The following AFF3 variants were observed in gnomAD, a reference collection of about 807,000 sequenced individuals.
The protein encoded by AFF3 is ALF transcription elongation factor 3.
AFF3 carries 32 observed loss-of-function variants against 129.7 expected under a neutral mutation model. The observed-to-expected ratio is 0.25, with a 90% confidence interval of 0.19 to 0.33. The LOEUF is 0.33. AFF3 is among the 10% of genes least tolerant of loss of function. The pLI, the probability that AFF3 is intolerant of heterozygous loss-of-function variation, is 1.00. For missense variants in AFF3, 1,373 were observed against 1,592.0 expected, an observed-to-expected ratio of 0.86 and a Z score of 2.34; for synonymous variants, 644 against 635.4, an observed-to-expected ratio of 1.01 and a Z score of -0.20.
At chr2:99,600,571 C>T (rs918452412) in intron 14 of AFF3, among the ~76,000 whole-genome samples, 4 of 152,238 alleles carry the variant, frequency 2.6e-5, no homozygotes, top group Admixed American at 1.3e-4. Flanking sequence ...TATGGCCCCC[C>T]CAAATGGTAC....
At chr2:99,797,534 G>C (rs1685633877) in intron 8 of AFF3, among the ~76,000 whole-genome samples, 1 of 152,012 alleles carries the variant, frequency 6.6e-6, no homozygotes, top group Non-Finnish European at 1.5e-5. Context: ...GAACAAAACT[G>C]TAACATTTGA....
At chr2:99,979,790 T>C (rs1472548305) in intron 7 of AFF3, among the ~76,000 whole-genome samples, 1 of 152,162 alleles carries the variant, frequency 6.6e-6, no homozygotes, top group Non-Finnish European at 1.5e-5. Flanking sequence ...GCCTATTCTG[T>C]TCTTTACCTT....
At chr2:100,107,278 T>C (rs1317044193) in intron 2 of AFF3, 1 of 985,408 alleles carries the variant, frequency 1.0e-6, no homozygotes, top group East Asian at 1.1e-4. Context: ...AGAGCCTTTA[T>C]GGGAGATCTT....
chr2:100,129,675 G>C (rs1289457890), intron 1 of AFF3, among the ~76,000 whole-genome samples: 1 of 152,142 alleles, frequency 6.6e-6, no homozygotes, highest in East Asian at 1.9e-4. Flanking sequence ...TGCAGATCCA[G>C]TGTCTATATA....
At chr2:99,982,799 T>C (rs1679528958) in intron 7 of AFF3, among the ~76,000 whole-genome samples, 1 of 152,118 alleles carries the variant, frequency 6.6e-6, no homozygotes, top group Non-Finnish European at 1.5e-5. Context: ...AATTATGATT[T>C]AAAAAAATAC....
chr2:99,988,066 C>G (rs931648477), intron 7 of AFF3, among the ~76,000 whole-genome samples: 9 of 151,930 alleles, frequency 5.9e-5, no homozygotes, highest in African/African-American at 2.2e-4. Flanking sequence ...TGTGAGCCGA[C>G]TGAAAATATA....
At position 100,019,300 on chromosome 2, in the gene AFF3, A is replaced by G. The variant is rs188689151; in HGVS notation, c.54-10368T>C. On this transcript the variant is annotated intron_variant, in intron 4 of 24. Coordinates refer to ENST00000672756, the MANE Select transcript of AFF3 (RefSeq NM_001386135.1). ...AATGGGGTTTCTGAAAAGGACTAAG[A>G]GTCACCTTGAACTACTGCTATCCAT... Among the ~76,000 whole-genome samples, 6 of 152,358 alleles carry G rather than the reference A, an allele frequency of 3.9e-5. No individual in the cohort carries two copies. The East Asian group carries it at 1.2e-3, about 29-fold the overall frequency.
chr2:99,679,128 T>C lies in AFF3; in HGVS notation c.1092-6539A>G, dbSNP rs566522156. On this transcript the variant is annotated intron_variant, in intron 11 of 24. Coordinates refer to ENST00000672756, the MANE Select transcript of AFF3 (RefSeq NM_001386135.1). ...GAACAAGATGAAGGGGTGCTCTACT[T>C]GACCTAAGTGTTTCCAACTCTGATG... Among the ~76,000 whole-genome samples the C allele has an allele frequency of 1.5e-4, 23 of 152,306 alleles. No individual in the cohort carries two copies. In the South Asian group the frequency reaches 4.8e-3, roughly 32 times the overall value.
At chr2:99,797,990 G>A (rs922454317) in intron 8 of AFF3, among the ~76,000 whole-genome samples, 21 of 152,070 alleles carry the variant, frequency 1.4e-4, no homozygotes, top group African/African-American at 4.8e-4. Flanking sequence ...CTGAAAAATG[G>A]TAAGTCTATT....
intron 7 of AFF3, among the ~76,000 whole-genome samples, chr2:99,979,196 T>C (rs1408036592): frequency 6.6e-6 from 1 of 152,170 alleles, no homozygotes; most frequent in Non-Finnish European, 1.5e-5. Context: ...TGCAGTGTGT[T>C]ATATACAGTG....
chr2:99,615,347 G>A (rs1196696352), intron 13 of AFF3, among the ~76,000 whole-genome samples: 1 of 152,242 alleles, frequency 6.6e-6, no homozygotes, highest in African/African-American at 2.4e-5. Context: ...GTTTGCAGCT[G>A]CACTTCCCGC....
rs1553515714 is a variant in AFF3, at chr2:100,061,854, T to TGC, written c.53+42547_53+42548insGC. 2.6e-5 allele frequency among the ~76,000 whole-genome samples: 2 copies of TGC among 75,722 alleles called. 1 individual carries two copies. Among genetic ancestry groups the TGC allele is most frequent in the Non-Finnish European group, 5.7e-5 (2 of 35,394 alleles). The allele number at this position is 75,722 out of a possible 152,430, so 49.7% of individuals were successfully genotyped here. ...ATCACCAAAGAGATGGGTAGCACAG[T>TGC]GGAGGGGGGGGGGGTGCCGACTCTC... is the stretch of plus-strand genomic sequence containing the variant. On this transcript the variant is annotated intron_variant, in intron 4 of 24. Coordinates refer to ENST00000672756, the MANE Select transcript of AFF3 (RefSeq NM_001386135.1).
chr2:99,648,934 C>CTCTCTCTCTCTCTCTCTA (rs138353584), intron 13 of AFF3, among the ~76,000 whole-genome samples: 1 of 119,314 alleles, frequency 8.4e-6, no homozygotes, highest in African/African-American at 3.0e-5. Context: ...CTCTCTCTCT[C>CTCTCTCTCTCTCTCTCTA]TCTCCAATCT....
intron 15 of AFF3, among the ~76,000 whole-genome samples, chr2:99,592,174 G>T (rs117393993): frequency 6.6e-6 from 1 of 152,132 alleles, no homozygotes; most frequent in Non-Finnish European, 1.5e-5. Context: ...AAAAACCTTC[G>T]AAATGGGCTA....
rs374519519 is a variant in AFF3, at chr2:99,606,243, T to C, written c.1185-4622A>G. 2.2e-4 allele frequency among the ~76,000 whole-genome samples: 33 copies of C among 152,168 alleles called. 1 individual carries two copies. In the East Asian group the frequency reaches 5.2e-3, roughly 24 times the overall value. On this transcript the variant is annotated intron_variant, in intron 13 of 24. Coordinates refer to ENST00000672756, the MANE Select transcript of AFF3 (RefSeq NM_001386135.1). ...TTGTGCCACTGCACCCCAGTCTGGG[T>C]GACAGCAAGGCCCTGTAAAAAAAAT...
intron 4 of AFF3, among the ~76,000 whole-genome samples, chr2:100,099,607 A>G (rs1296715914): frequency 6.6e-6 from 1 of 151,960 alleles, no homozygotes; most frequent in Admixed American, 6.6e-5. Context: ...CCACCCCACC[A>G]TGAATATCTT....
chr2:99,753,996 C>T (rs936037745), intron 8 of AFF3, among the ~76,000 whole-genome samples: 3 of 152,202 alleles, frequency 2.0e-5, no homozygotes, highest in East Asian at 3.9e-4. Flanking sequence ...AGGAACTATT[C>T]GTCATTCTCA....
At chr2:100,137,375 C>G (rs1692677998) in intron 1 of AFF3, among the ~76,000 whole-genome samples, 1 of 152,204 alleles carries the variant, frequency 6.6e-6, no homozygotes, top group Admixed American at 6.5e-5. Context: ...GTCCTTTGAT[C>G]TTTGCTTCAA....
intron 7 of AFF3, among the ~76,000 whole-genome samples, chr2:99,869,775 T>C (rs1039742312): frequency 6.6e-6 from 1 of 151,962 alleles, no homozygotes; most frequent in Non-Finnish European, 1.5e-5. Flanking sequence ...CTGGGGGAGA[T>C]TCAGGGGGAA....
Sources: allele counts gnomAD v4.1 joint callset (sites outside exome capture counted in the v4.1 genomes callset), GRCh38; gene constraint gnomAD v4.1.1; transcripts MANE v1.5; gene names NCBI Gene and HGNC (gene_info 2026-07-23, HGNC 2026-07-21).